GUCD1: variants seen among roughly 807,000 people sequenced by gnomAD.
GUCD1 encodes guanylyl cyclase domain containing 1.
Under a neutral mutation model 28.3 loss-of-function variants are expected in GUCD1, and 17 were observed. The observed-to-expected ratio is 0.60, with a 90% CI of 0.41 to 0.90. The LOEUF (loss-of-function observed/expected upper bound fraction) is 0.90, where lower values mean the gene tolerates loss of function less well. Ranked by LOEUF, GUCD1 falls within the 40% of genes least tolerant of loss-of-function variation. The pLI, the probability that GUCD1 is intolerant of heterozygous loss-of-function variation, is 0.00. For synonymous variants in GUCD1, 129 were observed against 123.3 expected (o/e 1.05, Z -0.30); for missense variants, 279 against 305.5 (o/e 0.91, Z 0.65).
In GUCD1 at chr22:24,555,083, G is replaced by A; in HGVS notation, c.-92C>T. 3.0e-6 allele frequency: 4 copies of A among 1,321,384 alleles called. No homozygotes were observed. Among genetic ancestry groups the A allele is most frequent in the Non-Finnish European group, 3.9e-6 (4 of 1,031,846 alleles). 81.9% of individuals were successfully genotyped at this position (1,321,384 alleles called of 1,614,324 possible). ...GGCGGGAGGGCGGTCGGTGCGTGTC[G>A]AGTTCCTTCTCCGCCACCGCCGCCG... On this transcript the variant is annotated 5_prime_UTR_variant, in exon 1 of 6. Transcript: ENST00000435822.
chr22:24,543,900 C>T lies in GUCD1; in HGVS notation c.570G>A (p.Leu190=), dbSNP rs117194661. Residue 190 remains leucine (L), a synonymous_variant, in exon 5 of 6, where the codon CTG becomes CTA. Coordinates refer to ENST00000435822, the MANE Select transcript of GUCD1 (RefSeq NM_001284254.2). Reference sequence around the variant, plus strand: ...AGCCAGTGGCCCGGTTGTAGCCACGCAGCACGATGAAGTGGCCCTGGTAGT... The same window carrying T: ...AGCCAGTGGCCCGGTTGTAGCCACGTAGCACGATGAAGTGGCCCTGGTAGT... ...TPDYQGHFIV[L]RGYNRATGCI... is the part of the protein sequence containing the mutation. The T allele has an allele frequency of 8.0e-4, 1,289 of 1,614,054 alleles. 15 individuals are homozygous for T. The East Asian group carries it at 0.024, about 31-fold the overall frequency.
Position 24,548,092 on chromosome 22 carries a change from G to C in GUCD1, c.129-19C>G. ...CAGGTACCTGCAGGTAGACGAGCTG[G>C]GGAGCTCAGCTTGGTCTTGAGGGTC... is the stretch of plus-strand genomic sequence containing the variant. On this transcript the variant is annotated intron_variant, in intron 2 of 5. Coordinates refer to ENST00000435822, the MANE Select transcript of GUCD1 (RefSeq NM_001284254.2). The C allele has an allele frequency of 6.2e-7, 1 of 1,609,424 alleles. No individual in the cohort carries two copies. Among genetic ancestry groups the C allele is most frequent in the Non-Finnish European group, 8.5e-7 (1 of 1,177,068 alleles).
upstream of GUCD1, chr22:24,555,543 C>G: frequency 6.7e-7 from 1 of 1,489,650 alleles, no homozygotes; most frequent in Non-Finnish European, 9.1e-7. Context: ...TAACCCTGAG[C>G]GGGCAGCCGC....
At chr22:24,547,749 T>G (rs2044764378) in intron 3 of GUCD1, 159 bp downstream of exon 3, 1 of 718,900 alleles carries the variant, frequency 1.4e-6, no homozygotes, top group Non-Finnish European at 2.3e-6. Flanking sequence ...TCCCAAATCC[T>G]GCCTATAGCC....
At chr22:24,546,260 C>T (rs2044725483) in intron 4 of GUCD1, among the ~76,000 whole-genome samples, 1 of 152,236 alleles carries the variant, frequency 6.6e-6, no homozygotes, top group Admixed American at 6.5e-5. Flanking sequence ...CGCGCCCGGC[C>T]CCCAAACCCC....
chr22:24,552,234 C>G (rs2044895585), intron 1 of GUCD1, among the ~76,000 whole-genome samples: 1 of 152,080 alleles, frequency 6.6e-6, no homozygotes, highest in Non-Finnish European at 1.5e-5. Flanking sequence ...ACTCACGAGG[C>G]CAAGGCAAGA....
chr22:24,543,477 G>C (rs1412837885), intron 5 of GUCD1, among the ~76,000 whole-genome samples: 1 of 152,216 alleles, frequency 6.6e-6, no homozygotes, highest in East Asian at 1.9e-4. Context: ...TAGAGCAGGG[G>C]CTGGGTCTGG....
At chr22:24,546,816 C>T in intron 4 of GUCD1, 98 bp downstream of exon 4, 1 of 1,121,276 alleles carries the variant, frequency 8.9e-7, no homozygotes, top group Non-Finnish European at 1.4e-6. Flanking sequence ...CTCCAGAGTC[C>T]TAGCCTTTCC....
chr22:24,555,288 G>T (rs2045023539), upstream of GUCD1: 33 of 1,373,252 alleles, frequency 2.4e-5, no homozygotes, highest in South Asian at 5.6e-4. Context: ...AGCGTTGAGT[G>T]GCCCCACCCT....
chr22:24,548,109 T>C (rs965404837), intron 2 of GUCD1, 36 bp from the exon 3 acceptor site: 10 of 1,595,464 alleles, frequency 6.3e-6, no homozygotes, highest in Non-Finnish European at 8.6e-6. Flanking sequence ...CAGCTTGGTC[T>C]TGAGGGTCAA....
In GUCD1 at chr22:24,543,112, G is replaced by T. The variant is rs762936512; in HGVS notation, c.629-15C>A. ...GCTGCACATTCCTGCTGGGGGTGGGGAAGGCAGAACGGGGTCAGTGGGTTG... is the reference window on the plus strand; with the variant it reads ...GCTGCACATTCCTGCTGGGGGTGGGTAAGGCAGAACGGGGTCAGTGGGTTG... On this transcript the variant is annotated splice_polypyrimidine_tract_variant and intron_variant, in intron 5 of 5. Coordinates refer to ENST00000435822, the MANE Select transcript of GUCD1 (RefSeq NM_001284254.2). The T allele has an allele frequency of 4.4e-6, 7 of 1,606,872 alleles. No homozygotes were observed. The African/African-American group carries it at 6.7e-5, about 15-fold the overall frequency.
upstream of GUCD1, chr22:24,555,500 C>T (rs545716208): frequency 8.0e-5 from 104 of 1,293,870 alleles, no homozygotes; most frequent in Admixed American, 4.2e-4. Flanking sequence ...TCCCCGAGGC[C>T]CCAAGCAACT....
chr22:24,547,364 A>G, intron 3 of GUCD1: 1 of 250,088 alleles, frequency 4.0e-6, no homozygotes, highest in Non-Finnish European at 7.8e-6. Flanking sequence ...CACCTGGGAC[A>G]GCTCAGCTAC....
intron 1 of GUCD1, 152 bp downstream of exon 1, chr22:24,554,797 G>A (rs2044989346): frequency 3.5e-6 from 2 of 573,824 alleles, no homozygotes; most frequent in Non-Finnish European, 3.1e-6. Flanking sequence ...GCAATCCTGC[G>A]AGTGTCAGGA....
rs62231932 is a variant in GUCD1 at position 24,544,479 on chromosome 22, A to G, written c.387-396T>C. On this transcript the variant is annotated intron_variant, in intron 4 of 5. Coordinates refer to ENST00000435822, the MANE Select transcript of GUCD1 (RefSeq NM_001284254.2). ...CTACCCTAAATCATGTGTGGTTTAC[A>G]TTGAAAACTGCCAGCCAAGCATGGC... Among the ~76,000 whole-genome samples, 1,146 of 152,312 alleles carry G rather than the reference A, an allele frequency of 7.5e-3. 8 individuals are homozygous for G. Among genetic ancestry groups the G allele is most frequent in the South Asian group, 0.018 (87 of 4,828 alleles).
chr22:24,544,121 C>T lies in GUCD1; in HGVS notation c.387-38G>A, dbSNP rs1278896485. On this transcript the variant is annotated intron_variant, in intron 4 of 5. Transcript: ENST00000435822. ...GGGGGGTCAGCTGGTGCTGCTGGGC[C>T]CCCATTCCCCATCCCTCAAATGGAT... 5.0e-6 allele frequency: 8 copies of T among 1,591,220 alleles called. No homozygotes were observed. The Admixed American group carries it at 1.0e-4, about 20-fold the overall frequency.
At chr22:24,555,818 C>T (rs2045048451), upstream of GUCD1, 2 of 1,546,568 alleles carry the variant, frequency 1.3e-6, no homozygotes, top group African/African-American at 2.7e-5. Flanking sequence ...GCCCCCGGGC[C>T]CAGTCATCAG....
chr22:24,554,518 G>T (rs1453157458), intron 1 of GUCD1, among the ~76,000 whole-genome samples: 2 of 152,242 alleles, frequency 1.3e-5, no homozygotes, highest in Non-Finnish European at 2.9e-5. Flanking sequence ...ACCAGTCCGG[G>T]TCTCCGCCCC....
chr22:24,547,075 TAAAG>T (rs2044746835), intron 3 of GUCD1, 70 bp from the exon 4 acceptor site: 7 of 1,213,946 alleles, frequency 5.8e-6, no homozygotes, highest in African/African-American at 1.5e-5. Flanking sequence ...ATGAAGGAAA[TAAAG>T]AGCGTGTTAC....
Sources: allele counts gnomAD v4.1 joint callset (sites outside exome capture counted in the v4.1 genomes callset), GRCh38; gene constraint gnomAD v4.1.1; transcripts MANE v1.5; gene names NCBI Gene and HGNC (gene_info 2026-07-23, HGNC 2026-07-21).